Variants in SEZ6 observed in about 807,000 individuals in gnomAD.
SEZ6 encodes seizure related 6 homolog.
Under a neutral mutation model 101.0 loss-of-function variants are expected in SEZ6, and 53 were observed. The observed-to-expected ratio is 0.52, with a 90% confidence interval of 0.42 to 0.66. The LOEUF (loss-of-function observed/expected upper bound fraction) is 0.66, where lower values mean the gene tolerates loss of function less well. SEZ6 is among the 30% of genes least tolerant of loss of function. The pLI, the probability that SEZ6 is intolerant of heterozygous loss-of-function variation, is 0.00. For missense variants in SEZ6, 1,102 were observed against 1,289.4 expected, an observed-to-expected ratio of 0.85 and a Z score of 2.23; for synonymous variants, 488 against 512.2, an observed-to-expected ratio of 0.95 and a Z score of 0.64.
intron 1 of SEZ6, among the ~76,000 whole-genome samples, chr17:28,997,712 C>G (rs897764231): frequency 1.3e-5 from 2 of 152,180 alleles, no homozygotes; most frequent in East Asian, 1.9e-4. Context: ...CCATCCCCCC[C>G]ACCCCGATTT....
Position 28,980,591 on chromosome 17 carries a change from C to T in SEZ6, c.725-778G>A, listed in dbSNP as rs543949609. On this transcript the variant is annotated intron_variant, in intron 2 of 16. Coordinates refer to ENST00000317338, the MANE Select transcript of SEZ6 (RefSeq NM_178860.5). ...TTCACCGTGTTAGCAAGGGTGGTCTCGATCTCCTGACCTCGTTCCACACGC... is the reference window on the plus strand; with the variant it reads ...TTCACCGTGTTAGCAAGGGTGGTCTTGATCTCCTGACCTCGTTCCACACGC... 3.0e-3 allele frequency among the ~76,000 whole-genome samples: 451 copies of T among 151,896 alleles called. 1 individual carries two copies. Among genetic ancestry groups the T allele is most frequent in the African/African-American group, 0.01 (419 of 41,438 alleles).
intron 1 of SEZ6, among the ~76,000 whole-genome samples, chr17:29,003,282 A>C (rs556598528): frequency 6.6e-6 from 1 of 152,334 alleles, no homozygotes; most frequent in South Asian, 2.1e-4. Context: ...GCTTGGGAAG[A>C]TACCCCGTGG....
chr17:28,956,946 G>A (rs1452823698), intron 13 of SEZ6, 99 bp downstream of exon 13: 9 of 1,387,718 alleles, frequency 6.5e-6, no homozygotes, highest in Non-Finnish European at 8.8e-6. Context: ...GTAACATGAA[G>A]GTGGCATGGG....
chr17:28,981,246 C>G, intron 2 of SEZ6, 125 bp downstream of exon 2: 1 of 1,434,502 alleles, frequency 7.0e-7, no homozygotes, highest in Non-Finnish European at 9.1e-7. Context: ...CTACATGCCT[C>G]CTGCAGGCTG....
rs375240552 is a variant in SEZ6, at chr17:28,981,549, T to C, written c.546A>G (p.Thr182=). ...TGTCTCCAGGACCCTCTTGGGTTGGTGTCCAGGCTCTGCTGGGGGGTGTAG... is the reference window on the plus strand; with the variant it reads ...TGTCTCCAGGACCCTCTTGGGTTGGCGTCCAGGCTCTGCTGGGGGGTGTAG... ...ASTTPPSRAW[T]PTQEGPGDMG... The change falls in exon 2 of 17, where the codon ACA becomes ACG. Residue 182 remains threonine, a synonymous_variant. Coordinates refer to ENST00000317338, the MANE Select transcript of SEZ6 (RefSeq NM_178860.5). The C allele has an allele frequency of 1.0e-4, 166 of 1,612,614 alleles. No homozygotes were observed. The highest frequency in any genetic ancestry group is 1.3e-4 in the Non-Finnish European group (148 of 1,179,360).
At chr17:28,958,972 T>C in intron 10 of SEZ6, 53 bp downstream of exon 10, 1 of 1,550,654 alleles carries the variant, frequency 6.4e-7, no homozygotes, top group Non-Finnish European at 8.7e-7. Flanking sequence ...CTAGCCTCTT[T>C]GGCTTGCCAT....
At chr17:28,956,123 C>T in intron 16 of SEZ6, 36 bp downstream of exon 16, 1 of 1,597,130 alleles carries the variant, frequency 6.3e-7, no homozygotes, top group Non-Finnish European at 8.6e-7. Flanking sequence ...AGAACTGGGT[C>T]TTGGATAGGG....
In SEZ6 at chr17:28,986,418, G is replaced by A. The variant is rs575301442; in HGVS notation, c.56-4379C>T. Reference sequence around the variant, plus strand: ...GCCCCAGCCCCACCAGATCTGGATCGGGATGGGGGGCGGGGCCCAGCCTGT... The same window carrying A: ...GCCCCAGCCCCACCAGATCTGGATCAGGATGGGGGGCGGGGCCCAGCCTGT... On this transcript the variant is annotated intron_variant, in intron 1 of 16. Transcript: ENST00000317338. 2.7e-4 allele frequency among the ~76,000 whole-genome samples: 41 copies of A among 152,338 alleles called. 1 individual carries two copies. The South Asian group carries it at 3.3e-3, about 12-fold the overall frequency.
At chr17:28,977,778 C>A (rs988301313) in intron 3 of SEZ6, among the ~76,000 whole-genome samples, 1 of 152,348 alleles carries the variant, frequency 6.6e-6, no homozygotes, top group South Asian at 2.1e-4. Context: ...CCTCCCACCC[C>A]CTTTCCCACA....
intron 1 of SEZ6, among the ~76,000 whole-genome samples, chr17:28,997,031 C>T (rs955446123): frequency 2.0e-5 from 3 of 152,044 alleles, no homozygotes; most frequent in Non-Finnish European, 2.9e-5. Flanking sequence ...AAGTGGCTGT[C>T]GGCTCAGGAG....
At position 28,964,048 on chromosome 17, in the gene SEZ6, G is replaced by T. The variant is rs1202852304; in HGVS notation, c.1154C>A (p.Thr385Asn). The T allele has an allele frequency of 6.8e-6, 11 of 1,610,908 alleles. No homozygotes were observed. The South Asian group carries it at 1.0e-4, about 15-fold the overall frequency. Residue 385 changes from threonine to asparagine, a missense_variant, in exon 5 of 17, where the codon ACT becomes AAT. Transcript: ENST00000317338. ...PGGSARFHCA[T>N]GYQLKGARHL... is the part of the protein sequence containing the mutation. ...CCTGGCGCCCTTCAGCTGGTAGCCA[G>T]TGGCACAATGGAAGCGGGCACTACC... is the stretch of plus-strand genomic sequence containing the variant.
chr17:28,979,640 C>G, intron 3 of SEZ6, 40 bp downstream of exon 3: 1 of 1,613,312 alleles, frequency 6.2e-7, no homozygotes, highest in Non-Finnish European at 8.5e-7. Context: ...AGAGAATACA[C>G]CCGCCCCAGC....
chr17:28,979,896 TG>T, intron 2 of SEZ6, 83 bp from the exon 3 acceptor site: 1 of 1,244,250 alleles, frequency 8.0e-7, no homozygotes. Context: ...TGTGTGTGTG[TG>T]TGTGTGTGTG....
chr17:29,001,140 T>A (rs1423654594), intron 1 of SEZ6, among the ~76,000 whole-genome samples: 1 of 152,156 alleles, frequency 6.6e-6, no homozygotes, highest in Non-Finnish European at 1.5e-5. Context: ...GGAAAAAAAT[T>A]CTAACATACA....
In SEZ6 at chr17:28,991,361, C is replaced by T. The variant is rs148513806; in HGVS notation, c.56-9322G>A. On this transcript the variant is annotated intron_variant, in intron 1 of 16. Coordinates refer to ENST00000317338, the MANE Select transcript of SEZ6 (RefSeq NM_178860.5). ...CTGGGATTGCAGGCGCCCGCCACTA[C>T]GCCTGGCTAATTTTTGGTATTTTTA... 7.0e-3 allele frequency among the ~76,000 whole-genome samples: 1,072 copies of T among 152,208 alleles called. 7 individuals are homozygous for T. The highest frequency in any genetic ancestry group is 0.019 in the African/African-American group (783 of 41,508).
intron 1 of SEZ6, among the ~76,000 whole-genome samples, chr17:28,999,906 A>G (rs1399581934): frequency 6.6e-6 from 1 of 152,202 alleles, no homozygotes; most frequent in Non-Finnish European, 1.5e-5. Flanking sequence ...ACCTCCAAAT[A>G]TTGGAAAGGA....
intron 1 of SEZ6, among the ~76,000 whole-genome samples, chr17:28,984,314 C>G (rs1266756972): frequency 6.6e-6 from 1 of 152,212 alleles, no homozygotes; most frequent in Admixed American, 6.5e-5. Flanking sequence ...GAGACTGATT[C>G]TAGCATGGCG....
At chr17:28,988,449 C>G (rs1368579333) in intron 1 of SEZ6, among the ~76,000 whole-genome samples, 1 of 152,224 alleles carries the variant, frequency 6.6e-6, no homozygotes, top group Non-Finnish European at 1.5e-5. Flanking sequence ...CAGAAGGCAA[C>G]CTGCTCCCCA....
intron 1 of SEZ6, among the ~76,000 whole-genome samples, chr17:29,001,890 C>T (rs2041619463): frequency 6.6e-6 from 1 of 152,146 alleles, no homozygotes; most frequent in Non-Finnish European, 1.5e-5. Flanking sequence ...ATCTGCATGA[C>T]TTGACAAGAA....
Sources: allele counts gnomAD v4.1 joint callset (sites outside exome capture counted in the v4.1 genomes callset), GRCh38; gene constraint gnomAD v4.1.1; transcripts MANE v1.5; gene names NCBI Gene and HGNC (gene_info 2026-07-23, HGNC 2026-07-21).